The following C3orf20 variants were observed in gnomAD, a reference collection of about 807,000 sequenced individuals.
The protein encoded by C3orf20 is family with sequence similarity 149 member C, also known as uncharacterized protein C3orf20.
A neutral mutation model predicts 88.3 loss-of-function variants in C3orf20; 76 were observed. That is an observed-to-expected ratio of 0.86 (90% CI 0.72 to 1.04). The LOEUF is 1.04. Ranked by LOEUF, C3orf20 falls within the 50% of genes least tolerant of loss-of-function variation. The pLI, the probability that C3orf20 is intolerant of heterozygous loss-of-function variation, is 0.00. For missense variants in C3orf20, 1,056 were observed against 1,123.3 expected (o/e 0.94, Z 0.86); for synonymous variants, 436 against 437.4 (o/e 1.00, Z 0.04).
chr3:14,684,498 T>C, intron 4 of C3orf20, 116 bp downstream of exon 4: 2 of 1,341,518 alleles, frequency 1.5e-6, no homozygotes, highest in Non-Finnish European at 2.0e-6. Context: ...TTGAGGTGGA[T>C]GTGGAGCAAC....
chr3:14,760,232 C>T (rs1434989253), intron 14 of C3orf20, among the ~76,000 whole-genome samples: 3 of 152,354 alleles, frequency 2.0e-5, no homozygotes, highest in South Asian at 4.1e-4. Flanking sequence ...TCCCAGGAGA[C>T]TGCAGGGACA....
intron 4 of C3orf20, 74 bp downstream of exon 4, chr3:14,684,456 C>T: frequency 5.8e-6 from 9 of 1,546,138 alleles, no homozygotes; most frequent in South Asian, 1.2e-5. Context: ...AAAGGCAAAA[C>T]CCCCAGTTTG....
chr3:14,677,168 C>T (rs2031816500), intron 1 of C3orf20, among the ~76,000 whole-genome samples: 1 of 152,130 alleles, frequency 6.6e-6, no homozygotes, highest in Admixed American at 6.5e-5. Flanking sequence ...GAGAAAATAG[C>T]AGAGAACACC....
At chr3:14,714,528 G>A (rs535694473) in intron 8 of C3orf20, among the ~76,000 whole-genome samples, 1 of 152,250 alleles carries the variant, frequency 6.6e-6, no homozygotes, top group East Asian at 1.9e-4. Flanking sequence ...TACTTCTATG[G>A]CATCTTTTAA....
At chr3:14,767,843 C>T (rs928042229) in intron 15 of C3orf20, among the ~76,000 whole-genome samples, 1 of 152,248 alleles carries the variant, frequency 6.6e-6, no homozygotes, top group Non-Finnish European at 1.5e-5. Flanking sequence ...CTACTGTGAG[C>T]CCCGTAAAGT....
intron 5 of C3orf20, among the ~76,000 whole-genome samples, chr3:14,697,556 T>C (rs567094679): frequency 6.6e-6 from 1 of 152,076 alleles, no homozygotes; most frequent in Non-Finnish European, 1.5e-5. Flanking sequence ...AAATTTTTAT[T>C]ATTTTTTTAT....
At chr3:14,682,393 A>G (rs2032138900) in intron 2 of C3orf20, 62 bp downstream of exon 2, 3 of 305,818 alleles carry the variant, frequency 9.8e-6, no homozygotes, top group Non-Finnish European at 1.8e-5. Flanking sequence ...CCAGGGTCCT[A>G]TACCCAGTTT....
Position 14,772,822 on chromosome 3 carries a change from C to G in C3orf20, c.2662C>G (p.Leu888Val), listed in dbSNP as rs1559454205. 1.2e-6 allele frequency: 2 copies of G among 1,614,134 alleles called. No homozygotes were observed. Among genetic ancestry groups the G allele is most frequent in the Non-Finnish European group, 1.7e-6 (2 of 1,179,990 alleles). ...TREPEVELHP[L>V]SRDSKITSWK... is the part of the protein sequence containing the mutation. Reference sequence around the variant, plus strand: ...AGAGCCTGAAGTGGAGCTACATCCTCTCAGCAGGGACAGCAAGATAACTAG... The same window carrying G: ...AGAGCCTGAAGTGGAGCTACATCCTGTCAGCAGGGACAGCAAGATAACTAG... The change falls in exon 17 of 17, where the codon CTC becomes GTC. Residue 888 changes from leucine (L) to valine (V), a missense_variant. Physicochemically the swap from Leu to Val is conservative, Grantham distance 32 (BLOSUM62 1). Coordinates refer to ENST00000253697, the MANE Select transcript of C3orf20 (RefSeq NM_032137.5). This position sits in a 1 kb window ranked among gnomAD's most constrained non-coding sequence, Gnocchi z 4.2.
intron 5 of C3orf20, among the ~76,000 whole-genome samples, chr3:14,694,089 T>C (rs1333026236): frequency 6.6e-6 from 1 of 152,206 alleles, no homozygotes; most frequent in Non-Finnish European, 1.5e-5. Context: ...TGTTGTTGAA[T>C]TCAATTTGCT....
At chr3:14,740,159 A>G (rs1240438264) in intron 12 of C3orf20, among the ~76,000 whole-genome samples, 3 of 152,192 alleles carry the variant, frequency 2.0e-5, no homozygotes, top group Non-Finnish European at 4.4e-5. Flanking sequence ...TTCCTCACTA[A>G]GGTTAATCAT....
Position 14,711,709 on chromosome 3 carries a change from C to T in C3orf20, c.1161-2298C>T, listed in dbSNP as rs571478836. Among the ~76,000 whole-genome samples, 56 of 137,984 alleles carry T rather than the reference C, an allele frequency of 4.1e-4. 1 individual carries two copies. Among genetic ancestry groups the T allele is most frequent in the Middle Eastern group, 5.2e-3 (1 of 192 alleles). The allele number at this position is 137,984 out of a possible 152,430, so 90.5% of individuals were successfully genotyped here. ...GGAGTGCAGTGGTGCAATCTTGGCTCGTTGCAACCTCCACCTCCTGGGCTC... is the reference window on the plus strand; with the variant it reads ...GGAGTGCAGTGGTGCAATCTTGGCTTGTTGCAACCTCCACCTCCTGGGCTC... On this transcript the variant is annotated intron_variant, in intron 7 of 16. Transcript: ENST00000253697.
In C3orf20 at chr3:14,771,581, T is replaced by C. The variant is rs115977690; in HGVS notation, c.2496-486T>C. On this transcript the variant is annotated intron_variant, in intron 15 of 16. Transcript: ENST00000253697. Reference sequence around the variant, plus strand: ...CCCCTTTGTAGAGGAACACCAGTTATGTTGGATTGGACCCACCCTCCTCCA... The same window carrying C: ...CCCCTTTGTAGAGGAACACCAGTTACGTTGGATTGGACCCACCCTCCTCCA... Among the ~76,000 whole-genome samples, 244 of 152,366 alleles carry C rather than the reference T, an allele frequency of 1.6e-3. 1 individual carries two copies. Among genetic ancestry groups the C allele is most frequent in the African/African-American group, 5.5e-3 (229 of 41,600 alleles).
intron 4 of C3orf20, among the ~76,000 whole-genome samples, chr3:14,685,909 T>C (rs2032398284): frequency 7.6e-6 from 1 of 132,364 alleles, no homozygotes; most frequent in Non-Finnish European, 1.5e-5. Flanking sequence ...GTTGCCACGC[T>C]GGAGTGCAGT....
intron 15 of C3orf20, among the ~76,000 whole-genome samples, chr3:14,767,823 A>G (rs115347109): frequency 0.011 from 1,673 of 152,338 alleles, 40 homozygotes; most frequent in African/African-American, 0.039. Flanking sequence ...ACAGCAGAGC[A>G]CTCCGTAAGC....
At chr3:14,756,038 A>C (rs1575156631) in intron 12 of C3orf20, among the ~76,000 whole-genome samples, 1 of 150,716 alleles carries the variant, frequency 6.6e-6, no homozygotes, top group East Asian at 2.0e-4. Context: ...CAAAAAAAAA[A>C]AAAAAAAAAG....
chr3:14,726,716 G>A (rs1235355665), intron 10 of C3orf20, among the ~76,000 whole-genome samples, 185 bp from the exon 11 acceptor site: 1 of 152,184 alleles, frequency 6.6e-6, no homozygotes, highest in Non-Finnish European at 1.5e-5. Flanking sequence ...GAGGCCATGA[G>A]TCAGGCCTGG....
At chr3:14,749,040 G>GTT (rs2035143267) in intron 12 of C3orf20, among the ~76,000 whole-genome samples, 2 of 152,114 alleles carry the variant, frequency 1.3e-5, no homozygotes, top group Admixed American at 6.5e-5. Context: ...TATCAAAAGT[G>GTT]GGATGTTAAA....
chr3:14,677,776 C>G (rs1029851015), intron 1 of C3orf20, among the ~76,000 whole-genome samples: 1 of 152,194 alleles, frequency 6.6e-6, no homozygotes, highest in South Asian at 2.1e-4. Flanking sequence ...GCTGGGATTA[C>G]AGGTGTGGGC....
rs779781802 is a variant in C3orf20 at position 14,684,315 on chromosome 3, G to A, written c.558G>A (p.Glu186=). The change falls in exon 4 of 17, where the codon GAG becomes GAA. Residue 186 remains glutamate, a synonymous_variant. Coordinates refer to ENST00000253697, the MANE Select transcript of C3orf20 (RefSeq NM_032137.5). ...AGCTCCTCCACCTCAATGCCAAGGAGATGGCCTTCAACTGCCTGATCAGCA... is the reference window on the plus strand; with the variant it reads ...AGCTCCTCCACCTCAATGCCAAGGAAATGGCCTTCAACTGCCTGATCAGCA... The part of the protein sequence containing the change: ...ASQLLHLNAK[E]MAFNCLISTA... The A allele has an allele frequency of 6.2e-7, 1 of 1,614,188 alleles. No homozygotes were observed. The highest frequency in any genetic ancestry group is 1.1e-5 in the South Asian group (1 of 91,082).
Sources: allele counts gnomAD v4.1 joint callset (sites outside exome capture counted in the v4.1 genomes callset), GRCh38; gene constraint gnomAD v4.1.1; non-coding constraint Gnocchi (gnomAD v3.1); transcripts MANE v1.5; gene names NCBI Gene and HGNC (gene_info 2026-07-23, HGNC 2026-07-21).